DNAH10: variants seen among roughly 807,000 people sequenced by gnomAD.
The protein encoded by DNAH10 is dynein axonemal heavy chain 10.
In DNAH10, 348 loss-of-function variants were observed where a neutral mutation model predicts 506.6. The observed-to-expected ratio is 0.69, with a 90% CI of 0.63 to 0.75. The LOEUF (loss-of-function observed/expected upper bound fraction) is 0.75, where lower values mean the gene tolerates loss of function less well. DNAH10 is among the 30% of genes least tolerant of loss of function. The probability of loss-of-function intolerance (pLI) is 0.00; values close to 1 mark genes in which losing one functional copy is unlikely to be tolerated. For synonymous variants in DNAH10, 2,059 were observed against 2,198.6 expected, an observed-to-expected ratio of 0.94 and a Z score of 1.78; for missense variants, 5,179 against 5,787.1, an observed-to-expected ratio of 0.89 and a Z score of 3.41.
Position 123,875,347 on chromosome 12 carries a change from T to C in DNAH10, c.8055T>C (p.Phe2685=), listed in dbSNP as rs1462812127. The change falls in exon 47 of 79, where the codon TTT becomes TTC. Residue 2685 remains phenylalanine (F), a synonymous_variant. Coordinates refer to ENST00000673944, the MANE Select transcript of DNAH10 (RefSeq NM_001372106.1). The part of the protein sequence containing the change: ...LNCKSIRDLG[F]IAAMGKAGGG... The stretch of plus-strand genomic sequence containing the variant: ...GTAAAAGCATTCGAGACCTTGGCTT[T>C]ATTGCTGCAATGGGAAAGGCTGGAG... The C allele has an allele frequency of 1.9e-6, 3 of 1,613,898 alleles. No homozygotes were observed. The African/African-American group carries it at 4.0e-5, about 22-fold the overall frequency.
chr12:123,769,922 G>GTTT (rs373397275), intron 2 of DNAH10, among the ~76,000 whole-genome samples: 83,036 of 139,764 alleles, frequency 0.59, 25,474 homozygotes, highest in East Asian at 0.88. Flanking sequence ...CCTGGCTAAG[G>GTTT]TTTTTTTTTT....
At chr12:123,841,687 G>A (rs543841658) in intron 30 of DNAH10, 142 bp downstream of exon 30, 8 of 731,978 alleles carry the variant, frequency 1.1e-5, no homozygotes, top group African/African-American at 1.8e-5. Flanking sequence ...ACAGATAGAT[G>A]TCTTTATTTT....
intron 16 of DNAH10, among the ~76,000 whole-genome samples, chr12:123,802,156 G>A (rs1214622546): frequency 6.6e-6 from 1 of 152,182 alleles, no homozygotes; most frequent in African/African-American, 2.4e-5. Context: ...GGACAACTAG[G>A]TTGTTTCCGG....
chr12:123,762,480 CGAG>C lies in DNAH10; in HGVS notation c.152_154del (p.Glu51del). On this transcript the variant is annotated inframe_deletion, in exon 1 of 79. Transcript: ENST00000673944. This position sits in a 1 kb window ranked among gnomAD's most constrained non-coding sequence, Gnocchi z 5.0. Reference sequence around the variant, plus strand: ...TCTTGCACTTCCTCAACCAGGCGAGCGAGGAGGAGGGGCCCTCGGCGCTCTTCA... The same window carrying C: ...TCTTGCACTTCCTCAACCAGGCGAGCGAGGAGGGGCCCTCGGCGCTCTTCA... 1.3e-6 allele frequency: 2 copies of C among 1,509,084 alleles called. No homozygotes were observed. Among genetic ancestry groups the C allele is most frequent in the Non-Finnish European group, 1.8e-6 (2 of 1,124,572 alleles). 93.5% of individuals were successfully genotyped at this position (1,509,084 alleles called of 1,614,324 possible). A position where few individuals can be genotyped will look rare whatever the true frequency, so the allele number is the denominator to read the frequency against.
chr12:123,810,979 A>G (rs1416743961), intron 19 of DNAH10, among the ~76,000 whole-genome samples: 2 of 152,216 alleles, frequency 1.3e-5, no homozygotes, highest in Non-Finnish European at 2.9e-5. Flanking sequence ...TTTTAGCTTC[A>G]TAAGTTTTTT....
chr12:123,869,125 G>C (rs1341677772), intron 43 of DNAH10, among the ~76,000 whole-genome samples: 1 of 152,122 alleles, frequency 6.6e-6, no homozygotes, highest in Non-Finnish European at 1.5e-5. Flanking sequence ...GTGATCTCTG[G>C]CACTGTCATG....
intron 1 of DNAH10, among the ~76,000 whole-genome samples, chr12:123,763,841 G>A (rs923579111): frequency 1.3e-5 from 2 of 150,396 alleles, no homozygotes; most frequent in Admixed American, 1.3e-4. Flanking sequence ...GGGATTCCAG[G>A]TGTTAGCCAT....
Position 123,935,560 on chromosome 12 carries a change from G to T in DNAH10, c.*79G>T. ...GATCGGGTCTGCTGTCATTTCTTGG[G>T]GCCTCTCAAGAGGCAGGAGGGGGAC... On this transcript the variant is annotated 3_prime_UTR_variant, in exon 79 of 79. Coordinates refer to ENST00000673944, the MANE Select transcript of DNAH10 (RefSeq NM_001372106.1). The T allele has an allele frequency of 6.9e-7, 1 of 1,446,804 alleles. No homozygotes were observed. The highest frequency in any genetic ancestry group is 1.6e-5 in the South Asian group (1 of 64,182). The allele number at this position is 1,446,804 out of a possible 1,614,324, so 89.6% of individuals were successfully genotyped here. A position where few individuals can be genotyped will look rare whatever the true frequency, so the allele number is the denominator to read the frequency against.
chr12:123,879,183 GTC>G (rs1952389167), intron 48 of DNAH10, 79 bp from the exon 49 acceptor site: 9 of 1,208,252 alleles, frequency 7.4e-6, no homozygotes, highest in Middle Eastern at 2.4e-4. Flanking sequence ...CTGTGTGTCT[GTC>G]TGTCTGAATG....
intron 43 of DNAH10, among the ~76,000 whole-genome samples, chr12:123,870,136 G>A (rs1319216689): frequency 1.3e-5 from 2 of 152,228 alleles, no homozygotes; most frequent in East Asian, 1.9e-4. Context: ...TCACATTAGT[G>A]ACTGTCCCGT....
chr12:123,934,882 T>A (rs1017893612), intron 78 of DNAH10, 116 bp downstream of exon 78: 1 of 1,362,392 alleles, frequency 7.3e-7, no homozygotes. Flanking sequence ...CTAAGCTTTA[T>A]GGGCTGGGGA....
chr12:123,816,526 C>G (rs935386249), intron 21 of DNAH10, among the ~76,000 whole-genome samples: 2 of 152,146 alleles, frequency 1.3e-5, no homozygotes, highest in African/African-American at 4.8e-5. Context: ...TGTGCACCCC[C>G]CAACCCCATA....
At position 123,846,050 on chromosome 12, in the gene DNAH10, C is replaced by T. The variant is rs757448928; in HGVS notation, c.5710C>T (p.Arg1904Cys). 4.8e-5 allele frequency: 78 copies of T among 1,613,856 alleles called. No homozygotes were observed. Among genetic ancestry groups the T allele is most frequent in the Middle Eastern group, 1.6e-4 (1 of 6,084 alleles). The part of the protein sequence containing the change: ...WDREPDELNI[R>C]QCTGTFGYGY... ...CCGGGAGCCGGATGAGCTGAACATC[C>T]GCCAGTGCACGGGAACCTTTGGCTA... is the stretch of plus-strand genomic sequence containing the variant. Residue 1904 changes from arginine to cysteine, a missense_variant, in exon 32 of 79, where the codon CGC becomes TGC. Around this residue, in one of 3 missense-constraint regions of DNAH10, gnomAD observed 4,844 missense variants for 5,430.5 expected, o/e 0.89. Transcript: ENST00000673944. The surrounding 1 kb of genome is among the most constrained non-coding windows in gnomAD (Gnocchi z 4.5).
chr12:123,918,265 G>A (rs985717764), intron 64 of DNAH10, among the ~76,000 whole-genome samples: 3 of 152,218 alleles, frequency 2.0e-5, no homozygotes, highest in Non-Finnish European at 4.4e-5. Context: ...AACCCAAAGG[G>A]GTAAGTGAGA....
chr12:123,803,551 A>C, intron 16 of DNAH10, 110 bp from the exon 17 acceptor site: 1 of 1,100,628 alleles, frequency 9.1e-7, no homozygotes. Context: ...TGGAATGAGC[A>C]GGGTCTTTCC....
In DNAH10 at chr12:123,820,745, A is replaced by G. The variant is rs372651135; in HGVS notation, c.4166A>G (p.Tyr1389Cys). The G allele has an allele frequency of 5.5e-5, 89 of 1,613,838 alleles. 1 individual carries two copies. The highest frequency in any genetic ancestry group is 4.9e-4 in the Middle Eastern group (3 of 6,084). ...GGGCTGAGGATGATTTACGAGCTCT[A>G]TGAAGGACTAAAGGTGAGCATCTCC... ...MSGLRMIYEL[Y>C]EGLKVAKEEW... Residue 1389 changes from tyrosine to cysteine, a missense_variant, in exon 24 of 79, where the codon TAT becomes TGT. Tyr to Cys is a radical substitution (Grantham distance 194). This residue lies in a region of DNAH10 where 4,844 missense variants were observed against 5,430.5 expected (regional missense o/e 0.89). Coordinates refer to ENST00000673944, the MANE Select transcript of DNAH10 (RefSeq NM_001372106.1).
At position 123,879,317 on chromosome 12, in the gene DNAH10, T is replaced by C; in HGVS notation, c.8426T>C (p.Val2809Ala). 3 of 1,578,854 alleles carry C rather than the reference T, an allele frequency of 1.9e-6. No homozygotes were observed. The highest frequency in any genetic ancestry group is 1.7e-6 in the Non-Finnish European group (2 of 1,161,866). Residue 2809 changes from valine (V) to alanine (A), a missense_variant, in exon 49 of 79, where the codon GTC (valine) becomes GCC (alanine). Physicochemically the swap from Val to Ala is moderately conservative, Grantham distance 64. Coordinates refer to ENST00000673944, the MANE Select transcript of DNAH10 (RefSeq NM_001372106.1). ...GTCTGGAGGAATGAGTGTCTGAGAG[T>C]CTTCCACGACCGGCTGATCAGTGAA... ...VRVWRNECLR[V>A]FHDRLISETD...
rs1314080792 is a variant in DNAH10 at position 123,924,396 on chromosome 12, T to C, written c.11730T>C (p.Pro3910=). 1 of 1,613,674 alleles carries C rather than the reference T, an allele frequency of 6.2e-7. No individual in the cohort carries two copies. ...TTTCAGACAACTTTGGGCAACTTCC[T>C]GATGATGTTGAGAATAATCAGACTG... ...EMFSDNFGQL[P]DDVENNQTVW... The change falls in exon 67 of 79, where the codon CCT becomes CCC. Residue 3910 remains proline (P), a synonymous_variant. Coordinates refer to ENST00000673944, the MANE Select transcript of DNAH10 (RefSeq NM_001372106.1).
chr12:123,788,776 A>AG (rs1401426540), intron 10 of DNAH10, among the ~76,000 whole-genome samples: 1 of 152,006 alleles, frequency 6.6e-6, no homozygotes, highest in East Asian at 1.9e-4. Flanking sequence ...AAATACAAAA[A>AG]TTAGCCAGGT....
Sources: gnomAD v4.1 joint callset for allele counts (sites outside exome capture counted in the v4.1 genomes callset) on GRCh38, gnomAD v4.1.1 for gene constraint, gnomAD v4.1.1 regional missense constraint, Gnocchi (gnomAD v3.1) non-coding constraint, MANE v1.5 for transcripts, NCBI Gene and HGNC (gene_info 2026-07-23, HGNC 2026-07-21) for gene names.